AXL: variants seen among roughly 807,000 people sequenced by gnomAD.
The protein encoded by AXL is AXL receptor tyrosine kinase, also known as tyrosine-protein kinase receptor UFO.
Under a neutral mutation model 104.5 loss-of-function variants are expected in AXL, and 52 were observed. That is an observed-to-expected ratio of 0.50 (90% CI 0.40 to 0.63). The LOEUF is 0.63. Ranked by LOEUF, AXL falls within the 20% of genes least tolerant of loss-of-function variation. The probability of loss-of-function intolerance (pLI) is 0.00; values close to 1 mark genes in which losing one functional copy is unlikely to be tolerated. For synonymous variants in AXL, 455 were observed against 473.7 expected (o/e 0.96, Z 0.51); for missense variants, 1,024 against 1,188.5 (o/e 0.86, Z 2.04).
At chr19:41,257,464 G>C (rs771296294) in intron 18 of AXL, 29 bp from the exon 19 acceptor site, 1 of 1,614,058 alleles carries the variant, frequency 6.2e-7, no homozygotes, top group South Asian at 1.1e-5. Flanking sequence ...GTGCAGGAGA[G>C]ACTGTCTAAT....
intron 6 of AXL, among the ~76,000 whole-genome samples, chr19:41,235,636 T>A (rs1043965525): frequency 1.3e-5 from 2 of 152,202 alleles, no homozygotes; most frequent in Non-Finnish European, 2.9e-5. Flanking sequence ...TTGTTACCAT[T>A]ACTGATATTC....
intron 10 of AXL, 123 bp from the exon 11 acceptor site, chr19:41,242,760 C>A: frequency 1.6e-6 from 2 of 1,281,776 alleles, no homozygotes; most frequent in Non-Finnish European, 2.2e-6. Context: ...CCATCACACA[C>A]CTCATCAAGT....
rs963866405 is a variant in AXL at position 41,227,385 on chromosome 19, T to C, written c.587-3582T>C. Among the ~76,000 whole-genome samples the C allele has an allele frequency of 3.3e-4, 50 of 152,174 alleles. 3 individuals carry two copies. The highest frequency in any genetic ancestry group is 1.2e-4 in the Non-Finnish European group (8 of 68,020). ...CAGTACATATATATATGATTATCTT[T>C]TTCTAAGTGGAGAATTTTCACCTTT... On this transcript the variant is annotated intron_variant, in intron 4 of 19. Coordinates refer to ENST00000301178, the MANE Select transcript of AXL (RefSeq NM_021913.5).
At chr19:41,256,360 G>A (rs2034452123) in intron 17 of AXL, 92 bp from the exon 18 acceptor site, 2 of 1,455,724 alleles carry the variant, frequency 1.4e-6, no homozygotes, top group South Asian at 1.2e-5. Context: ...GACAGTGAGG[G>A]GAGGAGGTGC....
chr19:41,221,855 C>T (rs1253232380), intron 3 of AXL, 25 bp from the exon 4 acceptor site: 4 of 1,610,300 alleles, frequency 2.5e-6, no homozygotes, highest in African/African-American at 2.7e-5. Context: ...GGGACCCCAG[C>T]CTCTACCACT....
rs2122198837 is a variant in AXL at position 41,221,926 on chromosome 19, C to G, written c.456C>G (p.Ala152=). Residue 152 remains alanine, a synonymous_variant, in exon 4 of 20, where the codon GCC becomes GCG. Transcript: ENST00000301178. ...LEEPEDRTVA[A]NTPFNLSCQA... Reference sequence around the variant, plus strand: ...AGCCCGAAGACAGGACTGTGGCCGCCAACACCCCCTTCAACCTGAGCTGCC... The same window carrying G: ...AGCCCGAAGACAGGACTGTGGCCGCGAACACCCCCTTCAACCTGAGCTGCC... The G allele has an allele frequency of 6.2e-7, 1 of 1,613,744 alleles. No homozygotes were observed. The highest frequency in any genetic ancestry group is 1.1e-5 in the South Asian group (1 of 91,012).
chr19:41,235,845 A>G (rs1218150837), intron 6 of AXL, among the ~76,000 whole-genome samples: 3 of 152,204 alleles, frequency 2.0e-5, no homozygotes, highest in Non-Finnish European at 4.4e-5. Context: ...AGATTTGTCA[A>G]GGGCTAAGAA....
At chr19:41,241,368 A>T (rs1440996503) in intron 10 of AXL, among the ~76,000 whole-genome samples, 1 of 152,012 alleles carries the variant, frequency 6.6e-6, no homozygotes, top group African/African-American at 2.4e-5. Flanking sequence ...CATTGGCGAA[A>T]ACCCATCTCT....
intron 17 of AXL, 141 bp downstream of exon 17, chr19:41,253,849 G>A (rs974841001): frequency 1.5e-6 from 1 of 688,622 alleles, no homozygotes; most frequent in South Asian, 1.7e-5. Context: ...AGTCAGTAAG[G>A]GGGTCTGGGA....
chr19:41,252,281 T>C, intron 14 of AXL, 70 bp from the exon 15 acceptor site: 1 of 1,194,594 alleles, frequency 8.4e-7, no homozygotes, highest in South Asian at 1.2e-5. Flanking sequence ...ATGATGATGA[T>C]GGAGTGGAGG....
At position 41,239,442 on chromosome 19, in the gene AXL, GCCCTCACTCCCTTACCCATGCCAAC is replaced by G. The variant is rs2034141598; in HGVS notation, c.1285+145_1285+169del. The G allele has an allele frequency of 5.1e-6, 7 of 1,366,784 alleles. No individual in the cohort carries two copies. The South Asian group carries it at 6.9e-5, about 14-fold the overall frequency. 84.7% of individuals were successfully genotyped at this position (1,366,784 alleles called of 1,614,324 possible). On this transcript the variant is annotated intron_variant, in intron 9 of 19. Transcript: ENST00000301178. ...CCTACCCTGAGCCTTACTGAGAGCT[GCCCTCACTCCCTTACCCATGCCAAC>G]CCCTCACTCCCTTACCTGTGCCACG...
Position 41,257,544 on chromosome 19 carries a change from T to C in AXL, c.2248T>C (p.Tyr750His). 2 of 1,614,136 alleles carry C rather than the reference T, an allele frequency of 1.2e-6. No individual in the cohort carries two copies. The highest frequency in any genetic ancestry group is 1.1e-5 in the South Asian group (1 of 91,084). The change falls in exon 19 of 20, where the codon TAT becomes CAT. Residue 750 changes from tyrosine (Y) to histidine (H), a missense_variant. Physicochemically the swap from Tyr to His is moderately conservative, Grantham distance 83 (BLOSUM62 2). Coordinates refer to ENST00000301178, the MANE Select transcript of AXL (RefSeq NM_021913.5). Reference protein sequence around the residue: ...WEIATRGQTPYPGVENSEIYD... With the variant: ...WEIATRGQTPHPGVENSEIYD... The stretch of plus-strand genomic sequence containing the variant: ...GATTGCCACAAGAGGCCAAACCCCA[T>C]ATCCGGGCGTGGAGAACAGCGAGAT...
At chr19:41,238,363 A>T (rs1311227110) in intron 7 of AXL, 107 bp from the exon 8 acceptor site, 1 of 1,538,016 alleles carries the variant, frequency 6.5e-7, no homozygotes, top group Admixed American at 1.9e-5. Flanking sequence ...GGCCTGCACG[A>T]GTTGCCCACG....
chr19:41,235,957 G>A (rs2034071616), intron 6 of AXL, among the ~76,000 whole-genome samples: 1 of 152,024 alleles, frequency 6.6e-6, no homozygotes. Context: ...AGCACTTTGG[G>A]AGGCCGAGGC....
intron 18 of AXL, 31 bp downstream of exon 18, chr19:41,256,642 C>G (rs754795558): frequency 6.2e-7 from 1 of 1,606,926 alleles, no homozygotes; most frequent in South Asian, 1.1e-5. Context: ...AGTGGGGAAC[C>G]ATGGGAGGGC....
At chr19:41,232,116 C>T (rs950674804) in intron 6 of AXL, among the ~76,000 whole-genome samples, 105 of 152,288 alleles carry the variant, frequency 6.9e-4, no homozygotes, top group African/African-American at 2.5e-3. Flanking sequence ...GCCCTGGCCA[C>T]TCTGTGTGGT....
At position 41,260,624 on chromosome 19, in the gene AXL, G is replaced by A. The variant is rs1410009636; in HGVS notation, c.*720G>A. On this transcript the variant is annotated 3_prime_UTR_variant, in exon 20 of 20. Transcript: ENST00000301178. ...ACTGCACTCAACCTTAAGACCTACT[G>A]TTCTAAAGCTCTGACATTATGTGGT... is the stretch of plus-strand genomic sequence containing the variant. 6.6e-6 allele frequency: 1 copy of A among 152,066 alleles called. No individual in the cohort carries two copies. Among genetic ancestry groups the A allele is most frequent in the Non-Finnish European group, 1.5e-5 (1 of 68,022 alleles). The allele number at this position is 152,066 out of a possible 1,614,324, so 9.4% of individuals were successfully genotyped here.
At chr19:41,221,461 C>T (rs1158262320) in intron 3 of AXL, 12 of 543,266 alleles carry the variant, frequency 2.2e-5, no homozygotes, top group African/African-American at 2.1e-4. Flanking sequence ...ATTATATGTT[C>T]TGGGTGAAAA....
chr19:41,246,475 G>C (rs1202163614), intron 12 of AXL, among the ~76,000 whole-genome samples: 1 of 130,020 alleles, frequency 7.7e-6, no homozygotes, highest in Admixed American at 7.3e-5. Context: ...AAACCTGATA[G>C]GTTTTCTTTT....
Sources: allele counts gnomAD v4.1 joint callset (sites outside exome capture counted in the v4.1 genomes callset), GRCh38; gene constraint gnomAD v4.1.1; transcripts MANE v1.5; gene names NCBI Gene and HGNC (gene_info 2026-07-23, HGNC 2026-07-21).